Variants in DYNC2H1 observed in about 807,000 individuals in gnomAD.
The protein encoded by DYNC2H1 is cytoplasmic dynein 2 heavy chain 1.
DYNC2H1 carries 410 observed loss-of-function variants against 570.0 expected under a neutral mutation model. The ratio of observed to expected loss-of-function variants is 0.72; its 90% CI spans 0.66 to 0.78. DYNC2H1 has a LOEUF of 0.78. DYNC2H1 is among the 30% of genes least tolerant of loss of function. DYNC2H1 has a pLI of 0.00. For missense variants in DYNC2H1, 4,865 were observed against 5,046.4 expected (o/e 0.96, Z 1.09); for synonymous variants, 1,688 against 1,677.6 (o/e 1.01, Z -0.15).
At chr11:103,371,927 G>GTTTTTTTTTTTTTTTTTTTTT (rs60335910) in intron 83 of DYNC2H1, among the ~76,000 whole-genome samples, 1 of 67,894 alleles carries the variant, frequency 1.5e-5, no homozygotes, top group Admixed American at 2.3e-4. Flanking sequence ...TCCCATTTGG[G>GTTTTTTTTTTTTTTTTTTTTT]TTTTTTTTTT....
At chr11:103,137,077 G>GT (rs1306162146) in intron 17 of DYNC2H1, among the ~76,000 whole-genome samples, 1 of 146,152 alleles carries the variant, frequency 6.8e-6, no homozygotes, top group Non-Finnish European at 1.5e-5. Flanking sequence ...GGGGTTGTTT[G>GT]TTTTTTTCTT....
chr11:103,317,246 C>A (rs529664324), intron 80 of DYNC2H1, among the ~76,000 whole-genome samples: 5 of 152,180 alleles, frequency 3.3e-5, no homozygotes, highest in African/African-American at 2.4e-5. Flanking sequence ...GTCTCCTCCC[C>A]ACCCCCAACC....
At chr11:103,471,497 G>A (rs1446371385) in intron 88 of DYNC2H1, among the ~76,000 whole-genome samples, 2 of 152,136 alleles carry the variant, frequency 1.3e-5, no homozygotes, top group African/African-American at 4.8e-5. Context: ...TTTGAAAATG[G>A]ACATAATAAT....
intron 84 of DYNC2H1, among the ~76,000 whole-genome samples, chr11:103,425,698 C>T (rs186893587): frequency 5.3e-4 from 80 of 151,568 alleles, no homozygotes; most frequent in Admixed American, 9.8e-4. Flanking sequence ...TATTTAACAA[C>T]GAATTTAAAT....
At chr11:103,327,688 T>C (rs542585672) in intron 82 of DYNC2H1, among the ~76,000 whole-genome samples, 2 of 152,234 alleles carry the variant, frequency 1.3e-5, no homozygotes, top group African/African-American at 4.8e-5. Context: ...TACAGAATGT[T>C]CAGCATCTTC....
rs758399640 is a variant in DYNC2H1 at position 103,135,844 on chromosome 11, A to G, written c.2470A>G (p.Ile824Val). 6.8e-6 allele frequency: 11 copies of G among 1,612,982 alleles called. No homozygotes were observed. In the East Asian group the frequency reaches 1.8e-4, roughly 26 times the overall value. The change falls in exon 17 of 89, where the codon ATT becomes GTT. Residue 824 changes from isoleucine to valine, a missense_variant. Physicochemically the swap from Ile to Val is conservative, Grantham distance 29. Coordinates refer to ENST00000375735, the MANE Select transcript of DYNC2H1 (RefSeq NM_001377.3). The stretch of plus-strand genomic sequence containing the variant: ...AGTGGGTGAGGCAGGAGATGAATCT[A>G]TTTTTTCTATTATGATTGATAGAAA... ...KGVGEAGDES[I>V]FSIMIDRNAS...
intron 84 of DYNC2H1, among the ~76,000 whole-genome samples, chr11:103,428,185 C>CTT (rs35767159): frequency 0.41 from 54,646 of 134,292 alleles, 11,916 homozygotes; most frequent in African/African-American, 0.59. Context: ...ATAACATGAG[C>CTT]TTTTTTTTTT....
rs527694828 is a variant in DYNC2H1, at chr11:103,218,267, A to G, written c.8833-1648A>G. On this transcript the variant is annotated intron_variant, in intron 55 of 88. Transcript: ENST00000375735. ...GATAAATCTTAGAAGCATTACACTTAAGCGAAAACAGCCAGACACGAAAGA... is the reference window on the plus strand; with the variant it reads ...GATAAATCTTAGAAGCATTACACTTGAGCGAAAACAGCCAGACACGAAAGA... 5.6e-4 allele frequency among the ~76,000 whole-genome samples: 85 copies of G among 152,332 alleles called. 1 individual carries two copies. The Middle Eastern group carries it at 0.01, about 18-fold the overall frequency.
At position 103,245,132 on chromosome 11, in the gene DYNC2H1, T is replaced by C; in HGVS notation, c.9919-119T>C. On this transcript the variant is annotated intron_variant, in intron 64 of 88. Coordinates refer to ENST00000375735, the MANE Select transcript of DYNC2H1 (RefSeq NM_001377.3). This position sits in a 1 kb window ranked among gnomAD's most constrained non-coding sequence, Gnocchi z 4.5. ...ACTTGGGTGAGTAATTTATTACCTA[T>C]AGAATCTGAAATTGTGTTTCTATAA... is the stretch of plus-strand genomic sequence containing the variant. The C allele has an allele frequency of 1.2e-6, 1 of 862,746 alleles. No individual in the cohort carries two copies. The highest frequency in any genetic ancestry group is 2.9e-5 in the East Asian group (1 of 33,988). The allele number at this position is 862,746 out of a possible 1,614,324, so 53.4% of individuals were successfully genotyped here.
At chr11:103,207,921 G>T (rs1348845765) in intron 52 of DYNC2H1, among the ~76,000 whole-genome samples, 2 of 152,082 alleles carry the variant, frequency 1.3e-5, no homozygotes, top group Non-Finnish European at 2.9e-5. Flanking sequence ...AAGTTGGTAA[G>T]GTGGTAAATT....
At chr11:103,469,613 CA>C (rs1313390323) in intron 88 of DYNC2H1, among the ~76,000 whole-genome samples, 1 of 152,062 alleles carries the variant, frequency 6.6e-6, no homozygotes, top group Non-Finnish European at 1.5e-5. Context: ...GCAACATTGC[CA>C]AGACAGCTAT....
chr11:103,163,234 ATC>A lies in DYNC2H1; in HGVS notation c.4611+89_4611+90del, dbSNP rs1591342436. The A allele has an allele frequency of 1.0e-5, 15 of 1,430,352 alleles. No individual in the cohort carries two copies. In the East Asian group the frequency reaches 3.4e-4, roughly 32 times the overall value. 88.6% of individuals were successfully genotyped at this position (1,430,352 alleles called of 1,614,324 possible). A position where few individuals can be genotyped will look rare whatever the true frequency, so the allele number is the denominator to read the frequency against. On this transcript the variant is annotated intron_variant, in intron 30 of 88. Coordinates refer to ENST00000375735, the MANE Select transcript of DYNC2H1 (RefSeq NM_001377.3). This position sits in a 1 kb window ranked among gnomAD's most constrained non-coding sequence, Gnocchi z 4.6. ...AAGCCAGGAGGCTCAGATAAATCGC[ATC>A]TGTTTTCTCCCTTTATCTAACAGTT... is the stretch of plus-strand genomic sequence containing the variant.
chr11:103,350,401 CTTTA>C (rs1489665423), intron 82 of DYNC2H1, among the ~76,000 whole-genome samples: 1 of 151,876 alleles, frequency 6.6e-6, no homozygotes, highest in African/African-American at 2.4e-5. Flanking sequence ...ATTTAATTGT[CTTTA>C]TTTGTCTTCT....
Position 103,201,529 on chromosome 11 carries a change from T to C in DYNC2H1, c.8197+1375T>C, listed in dbSNP as rs1411244057. Reference sequence around the variant, plus strand: ...CAACAACAACTAAAAACGAATTCTTTGCTACTACCCTAAATCCATTGAATT... The same window carrying C: ...CAACAACAACTAAAAACGAATTCTTCGCTACTACCCTAAATCCATTGAATT... On this transcript the variant is annotated intron_variant, in intron 50 of 88. Transcript: ENST00000375735. The surrounding 1 kb of genome is among the most constrained non-coding windows in gnomAD (Gnocchi z 4.8). Among the ~76,000 whole-genome samples, 1 of 152,166 alleles carries C rather than the reference T, an allele frequency of 6.6e-6. No homozygotes were observed. Among genetic ancestry groups the C allele is most frequent in the African/African-American group, 2.4e-5 (1 of 41,444 alleles).
intron 12 of DYNC2H1, among the ~76,000 whole-genome samples, chr11:103,126,334 T>C (rs1858998562): frequency 6.6e-6 from 1 of 152,168 alleles, no homozygotes; most frequent in Admixed American, 6.5e-5. Context: ...GTATATCCAG[T>C]AGCATCTGCT....
In DYNC2H1 at chr11:103,215,727, G is replaced by T; in HGVS notation, c.8701G>T (p.Val2901Leu). The T allele has an allele frequency of 1.9e-6, 3 of 1,605,586 alleles. No individual in the cohort carries two copies. The highest frequency in any genetic ancestry group is 2.6e-6 in the Non-Finnish European group (3 of 1,175,932). Reference sequence around the variant, plus strand: ...CAATATTTTATTGATGTAGGCTGGTGTATCTAAACTAAATGAAGCTAAAGC... The same window carrying T: ...CAATATTTTATTGATGTAGGCTGGTTTATCTAAACTAAATGAAGCTAAAGC... ...LKRQSHLQAG[V>L]SKLNEAKALV... The change falls in exon 55 of 89, where the codon GTA becomes TTA. Residue 2901 changes from valine (V) to leucine (L), a missense_variant. By Grantham distance (32) the Val-to-Leu change is conservative. This residue lies in a region of DYNC2H1 where 2,401 missense variants were observed against 2,454.6 expected (regional missense o/e 0.98). Coordinates refer to ENST00000375735, the MANE Select transcript of DYNC2H1 (RefSeq NM_001377.3).
chr11:103,393,076 G>A (rs1209394869), intron 83 of DYNC2H1, among the ~76,000 whole-genome samples: 1 of 152,010 alleles, frequency 6.6e-6, no homozygotes, highest in Non-Finnish European at 1.5e-5. Flanking sequence ...TAGAGACGGG[G>A]TTTCACCATG....
chr11:103,412,541 TATTG>T (rs1943129410), intron 84 of DYNC2H1, among the ~76,000 whole-genome samples: 1 of 152,280 alleles, frequency 6.6e-6, no homozygotes, highest in Admixed American at 6.5e-5. Flanking sequence ...TAATAGGTTG[TATTG>T]ATTAATTGAA....
chr11:103,193,597 G>T (rs886686585), intron 47 of DYNC2H1, among the ~76,000 whole-genome samples: 1 of 150,714 alleles, frequency 6.6e-6, no homozygotes, highest in African/African-American at 2.4e-5. Context: ...AGGCTGGAGC[G>T]CAAAGGTGCA....
Sources: allele counts gnomAD v4.1 joint callset (sites outside exome capture counted in the v4.1 genomes callset), GRCh38; gene constraint gnomAD v4.1.1; regional missense constraint gnomAD v4.1.1; non-coding constraint Gnocchi (gnomAD v3.1); transcripts MANE v1.5; gene names NCBI Gene and HGNC (gene_info 2026-07-23, HGNC 2026-07-21).